Variants in STAG1 observed in about 807,000 individuals in gnomAD.
STAG1 encodes STAG1 cohesin complex component.
A neutral mutation model predicts 170.9 loss-of-function variants in STAG1; 26 were observed. The observed-to-expected ratio is 0.15, with a 90% confidence interval of 0.11 to 0.21. The LOEUF (loss-of-function observed/expected upper bound fraction) is 0.21, where lower values mean the gene tolerates loss of function less well. Among genes scored for constraint, STAG1 ranks in the 10% least tolerant of loss-of-function variants. STAG1 has a pLI of 1.00. For synonymous variants in STAG1, 514 were observed against 497.7 expected (o/e 1.03, Z -0.44); for missense variants, 964 against 1,509.5 (o/e 0.64, Z 5.99).
intron 4 of STAG1, among the ~76,000 whole-genome samples, chr3:136,595,680 AAATAAAT>A (rs1938391750): frequency 7.2e-4 from 2 of 2,784 alleles, no homozygotes; most frequent in South Asian, 0.031. Flanking sequence ...CCATCTCAAT[AAATAAAT>A]AAATAAATAA....
In STAG1 at chr3:136,629,370, T is replaced by C. The variant is rs577214635; in HGVS notation, c.29+1500A>G. On this transcript the variant is annotated intron_variant, in intron 2 of 33. Transcript: ENST00000383202. ...AGACCTGAGCTAAGACTTAAATAGA[T>C]AGTGGCTTGGCCAGGTAAGGGCAGA... is the stretch of plus-strand genomic sequence containing the variant. Among the ~76,000 whole-genome samples, 10 of 152,018 alleles carry C rather than the reference T, an allele frequency of 6.6e-5. No homozygotes were observed. The East Asian group carries it at 1.7e-3, about 26-fold the overall frequency.
chr3:136,488,992 A>C (rs1437236517), intron 9 of STAG1, among the ~76,000 whole-genome samples: 2 of 152,238 alleles, frequency 1.3e-5, no homozygotes, highest in Non-Finnish European at 2.9e-5. Context: ...GGGTGCAAAA[A>C]ATAGTAAGAC....
chr3:136,554,955 T>C lies in STAG1; in HGVS notation c.395-12760A>G, dbSNP rs1423943733. ...AAAGAAGAACAAATATGCTTCTAAA[T>C]AATCCATGTGTCAAGAAAAAGCTAT... On this transcript the variant is annotated intron_variant, in intron 5 of 33. Coordinates refer to ENST00000383202, the MANE Select transcript of STAG1 (RefSeq NM_005862.3). Among the ~76,000 whole-genome samples the C allele has an allele frequency of 5.9e-5, 9 of 151,832 alleles. No individual in the cohort carries two copies. In the South Asian group the frequency reaches 1.9e-3, roughly 32 times the overall value.
chr3:136,519,306 C>T (rs760750837), intron 7 of STAG1, among the ~76,000 whole-genome samples: 5 of 152,108 alleles, frequency 3.3e-5, no homozygotes, highest in Non-Finnish European at 5.9e-5. Context: ...CTTGCCCCTA[C>T]AGAGAAGCCA....
chr3:136,596,909 C>A (rs61790790), intron 4 of STAG1, among the ~76,000 whole-genome samples: 6,708 of 152,096 alleles, frequency 0.044, 187 homozygotes, highest in Non-Finnish European at 0.066. Context: ...CTTGTCTCTA[C>A]TAAAAATACA....
intron 1 of STAG1, among the ~76,000 whole-genome samples, chr3:136,707,535 C>T (rs1479686978): frequency 6.6e-6 from 1 of 151,606 alleles, no homozygotes; most frequent in Non-Finnish European, 1.5e-5. Flanking sequence ...TTTTGTGTTG[C>T]TTATAACAGA....
chr3:136,538,714 C>T (rs1216683340), intron 6 of STAG1, among the ~76,000 whole-genome samples: 1 of 152,172 alleles, frequency 6.6e-6, no homozygotes, highest in Non-Finnish European at 1.5e-5. Context: ...GCCACCATGC[C>T]TGACCACCAC....
intron 4 of STAG1, among the ~76,000 whole-genome samples, chr3:136,570,570 TAC>T (rs1937234495): frequency 6.6e-6 from 1 of 152,206 alleles, no homozygotes; most frequent in South Asian, 2.1e-4. Context: ...TAACACACGT[TAC>T]ACACACGCAT....
At chr3:136,742,490 G>A (rs1259871105) in intron 1 of STAG1, among the ~76,000 whole-genome samples, 1 of 151,978 alleles carries the variant, frequency 6.6e-6, no homozygotes, top group African/African-American at 2.4e-5. Context: ...GAGGCAGGCG[G>A]ATCCTTGAAG....
chr3:136,471,376 A>G (rs904273058), intron 12 of STAG1, among the ~76,000 whole-genome samples: 4 of 152,214 alleles, frequency 2.6e-5, no homozygotes, highest in Non-Finnish European at 4.4e-5. Flanking sequence ...CTTGACAAGT[A>G]TATTTTTAAA....
chr3:136,412,153 A>G (rs566498438), intron 21 of STAG1, among the ~76,000 whole-genome samples: 1 of 152,336 alleles, frequency 6.6e-6, no homozygotes, highest in South Asian at 2.1e-4. Flanking sequence ...CTTGTCAAAT[A>G]AAACAGAAAT....
intron 9 of STAG1, among the ~76,000 whole-genome samples, chr3:136,487,500 G>A (rs1172040515): frequency 1.3e-5 from 2 of 152,128 alleles, no homozygotes; most frequent in Non-Finnish European, 2.9e-5. Flanking sequence ...CTTTAAAAAT[G>A]TAAATATCCT....
At chr3:136,338,780 AACT>A (rs1287096880) in intron 32 of STAG1, among the ~76,000 whole-genome samples, 1 of 152,240 alleles carries the variant, frequency 6.6e-6, no homozygotes, top group African/African-American at 2.4e-5. Context: ...AGAATTCATT[AACT>A]ACTAGGTGAT....
intron 3 of STAG1, among the ~76,000 whole-genome samples, chr3:136,617,254 T>C (rs746683590): frequency 7.9e-5 from 12 of 152,160 alleles, no homozygotes; most frequent in Non-Finnish European, 1.5e-4. Context: ...CTATTCCAAG[T>C]GTAGCAGGGG....
intron 15 of STAG1, among the ~76,000 whole-genome samples, chr3:136,435,394 T>C (rs1055848926): frequency 4.7e-4 from 71 of 152,306 alleles, no homozygotes; most frequent in African/African-American, 1.6e-3. Context: ...CTCAGGTAGT[T>C]TGACCCCAGA....
intron 3 of STAG1, among the ~76,000 whole-genome samples, chr3:136,611,103 TTATG>T (rs1939252480): frequency 6.6e-6 from 1 of 152,190 alleles, no homozygotes; most frequent in Non-Finnish European, 1.5e-5. Flanking sequence ...TGAAACTCGT[TTATG>T]TTTCACATAT....
chr3:136,397,192 T>A lies in STAG1; in HGVS notation c.2277+1557A>T, dbSNP rs957311214. 7.9e-5 allele frequency among the ~76,000 whole-genome samples: 12 copies of A among 152,350 alleles called. 2 individuals carry two copies. The highest frequency in any genetic ancestry group is 2.2e-4 in the African/African-American group (9 of 41,590). On this transcript the variant is annotated intron_variant, in intron 22 of 33. Coordinates refer to ENST00000383202, the MANE Select transcript of STAG1 (RefSeq NM_005862.3). ...TCAAATGTTTACTTCTTAGTCATGT[T>A]CAGGCCTCTCATTACATGAAATAAC...
rs751920440 is a variant in STAG1 at position 136,421,183 on chromosome 3, C to G, written c.2038-20G>C. 2 of 1,552,062 alleles carry G rather than the reference C, an allele frequency of 1.3e-6. No individual in the cohort carries two copies. The highest frequency in any genetic ancestry group is 1.8e-6 in the Non-Finnish European group (2 of 1,132,282). ...TTCTCCCTATAAAAAAAGGAAACAT[C>G]ACATCATTACAACTTTACTCACCTT... On this transcript the variant is annotated intron_variant, in intron 19 of 33. Transcript: ENST00000383202.
At chr3:136,677,864 C>A (rs1020938764) in intron 1 of STAG1, among the ~76,000 whole-genome samples, 1 of 148,328 alleles carries the variant, frequency 6.7e-6, no homozygotes, top group Admixed American at 6.8e-5. Context: ...ATACTCTCAA[C>A]ATCAGATCAT....
Sources: gnomAD v4.1 joint callset for allele counts (sites outside exome capture counted in the v4.1 genomes callset) on GRCh38, gnomAD v4.1.1 for gene constraint, MANE v1.5 for transcripts, NCBI Gene and HGNC (gene_info 2026-07-23, HGNC 2026-07-21) for gene names.